HYDIN: variants seen among roughly 807,000 people sequenced by gnomAD.
The protein encoded by HYDIN is HYDIN axonemal central pair apparatus protein.
Under a neutral mutation model 403.9 loss-of-function variants are expected in HYDIN, and 132 were observed. The observed-to-expected ratio is 0.33, with a 90% CI of 0.28 to 0.38. HYDIN has a LOEUF of 0.38. Among genes scored for constraint, HYDIN ranks in the 10% least tolerant of loss-of-function variants. HYDIN has a pLI of 1.00. For missense variants in HYDIN, 2,827 were observed against 5,009.5 expected (o/e 0.56, Z 13.15); for synonymous variants, 1,202 against 1,891.7 (o/e 0.64, Z 9.46).
intron 12 of HYDIN, among the ~76,000 whole-genome samples, chr16:71,084,489 T>C (rs1363951976): frequency 6.6e-6 from 1 of 151,254 alleles, no homozygotes; most frequent in South Asian, 2.1e-4. Context: ...TGGGTTCAAG[T>C]GATTCTCCTG....
At chr16:71,022,255 T>A (rs1325795953) in intron 21 of HYDIN, among the ~76,000 whole-genome samples, 2 of 151,632 alleles carry the variant, frequency 1.3e-5, no homozygotes, top group East Asian at 3.9e-4. Context: ...TGAGAAGGAG[T>A]CAAGCACAGA....
At chr16:71,148,268 T>C (rs1436249382) in intron 7 of HYDIN, among the ~76,000 whole-genome samples, 14 of 152,042 alleles carry the variant, frequency 9.2e-5, no homozygotes, top group Non-Finnish European at 1.5e-5. Flanking sequence ...TAAAAACCTA[T>C]AGCAAACGTC....
At chr16:71,176,918 T>G (rs1296180063) in intron 4 of HYDIN, among the ~76,000 whole-genome samples, 1 of 152,156 alleles carries the variant, frequency 6.6e-6, no homozygotes, top group Non-Finnish European at 1.5e-5. Flanking sequence ...GTGAAAGCAT[T>G]TCTCGGGGCC....
intron 47 of HYDIN, among the ~76,000 whole-genome samples, chr16:70,916,129 G>A (rs2076833215): frequency 6.6e-6 from 1 of 152,108 alleles, no homozygotes; most frequent in Admixed American, 6.5e-5. Context: ...TCTGCATGCT[G>A]GATTTGTGCC....
chr16:70,921,210 G>A lies in HYDIN; in HGVS notation c.7166C>T (p.Pro2389Leu), dbSNP rs373486633. 30 of 1,454,122 alleles carry A rather than the reference G, an allele frequency of 2.1e-5. No homozygotes were observed. The African/African-American group carries it at 2.1e-4, about 10-fold the overall frequency. The allele number at this position is 1,454,122 out of a possible 1,614,324, so 90.1% of individuals were successfully genotyped here. A position where few individuals can be genotyped will look rare whatever the true frequency, so the allele number is the denominator to read the frequency against. The change falls in exon 46 of 86, where the codon CCG becomes CTG. Residue 2389 changes from proline to leucine, a missense_variant. Transcript: ENST00000393567. ...KSQAANKQVP[P>L]LTKVDVKMET... is the part of the protein sequence containing the mutation. ...CATCTTGACATCCACTTTGGTGAGC[G>A]GAGGAACCTAGAAGGCATGACACAG...
intron 41 of HYDIN, among the ~76,000 whole-genome samples, chr16:70,948,076 C>T (rs1178198453): frequency 6.6e-6 from 1 of 151,622 alleles, no homozygotes; most frequent in Non-Finnish European, 1.5e-5. Context: ...GCTACAGTAA[C>T]CAAAACAGCA....
intron 45 of HYDIN, among the ~76,000 whole-genome samples, chr16:70,923,799 C>T (rs375225641): frequency 9.8e-5 from 14 of 143,504 alleles, no homozygotes; most frequent in African/African-American, 2.6e-4. Context: ...CCGGCCTCGG[C>T]GACAGAGCAA....
intron 8 of HYDIN, among the ~76,000 whole-genome samples, chr16:71,134,626 T>C (rs2084844447): frequency 6.6e-6 from 1 of 151,988 alleles, no homozygotes; most frequent in South Asian, 2.1e-4. Flanking sequence ...ATTTGTGACA[T>C]GGAGGAGGAG....
chr16:70,949,129 TA>T (rs1394352918), intron 41 of HYDIN, among the ~76,000 whole-genome samples: 4 of 151,992 alleles, frequency 2.6e-5, no homozygotes, highest in Non-Finnish European at 5.9e-5. Flanking sequence ...TATGCAGCCA[TA>T]AAAAATGATG....
chr16:71,004,543 C>T (rs1247837377), intron 23 of HYDIN, among the ~76,000 whole-genome samples: 2 of 151,938 alleles, frequency 1.3e-5, no homozygotes, highest in African/African-American at 2.4e-5. Flanking sequence ...TAATGTTAAA[C>T]CAACCTTGCA....
At chr16:71,032,235 C>A (rs1388006705) in intron 18 of HYDIN, among the ~76,000 whole-genome samples, 1 of 151,856 alleles carries the variant, frequency 6.6e-6, no homozygotes, top group Non-Finnish European at 1.5e-5. Context: ...TTCTGAGATA[C>A]CAACAGAAGG....
chr16:70,942,860 C>T (rs1391055305), intron 42 of HYDIN, among the ~76,000 whole-genome samples: 1 of 152,162 alleles, frequency 6.6e-6, no homozygotes, highest in Non-Finnish European at 1.5e-5. Context: ...TACTTTGGGG[C>T]CTTACCAGTG....
chr16:71,034,290 T>C (rs2144169233), intron 18 of HYDIN, among the ~76,000 whole-genome samples: 1 of 151,896 alleles, frequency 6.6e-6, no homozygotes, highest in East Asian at 1.9e-4. Flanking sequence ...CACATGTAGC[T>C]CTATGGGGGC....
intron 1 of HYDIN, among the ~76,000 whole-genome samples, chr16:71,219,629 A>G (rs2089089631): frequency 6.6e-6 from 1 of 152,194 alleles, no homozygotes; most frequent in Non-Finnish European, 1.5e-5. Context: ...CAAGGGATAA[A>G]TATGACCCTT....
chr16:70,928,641 T>C (rs1448701351), intron 45 of HYDIN, among the ~76,000 whole-genome samples: 2 of 138,906 alleles, frequency 1.4e-5, no homozygotes, highest in African/African-American at 5.1e-5. Context: ...AAATTTCCAC[T>C]AGGCTTTGTT....
intron 55 of HYDIN, among the ~76,000 whole-genome samples, chr16:70,893,228 T>C (rs1567780363): frequency 6.6e-6 from 1 of 152,148 alleles, no homozygotes; most frequent in African/African-American, 2.4e-5. Context: ...AGTGACTCCA[T>C]TCCATGCAAC....
At chr16:71,028,412 TG>T (rs1327263187) in intron 19 of HYDIN, among the ~76,000 whole-genome samples, 1 of 152,088 alleles carries the variant, frequency 6.6e-6, no homozygotes, top group Non-Finnish European at 1.5e-5. Context: ...GCTTTAAAGA[TG>T]TTGCAATTTC....
intron 1 of HYDIN, among the ~76,000 whole-genome samples, chr16:71,189,885 A>C (rs192552297): frequency 1.3e-5 from 2 of 152,304 alleles, no homozygotes; most frequent in East Asian, 3.9e-4. Flanking sequence ...GCTGTTGGTC[A>C]TGATATTAGT....
chr16:70,810,975 T>C (rs944135698), intron 84 of HYDIN, among the ~76,000 whole-genome samples: 2 of 152,198 alleles, frequency 1.3e-5, no homozygotes, highest in Admixed American at 1.3e-4. Context: ...TATGGATGTA[T>C]AGAAAGAGAC....
Sources: allele counts gnomAD v4.1 joint callset (sites outside exome capture counted in the v4.1 genomes callset), GRCh38; gene constraint gnomAD v4.1.1; transcripts MANE v1.5; gene names NCBI Gene and HGNC (gene_info 2026-07-23, HGNC 2026-07-21).